Variants in NDST3 observed in about 807,000 individuals in gnomAD.
The protein encoded by NDST3 is N-deacetylase and N-sulfotransferase 3.
NDST3 carries 58 observed loss-of-function variants against 96.1 expected under a neutral mutation model. That is an observed-to-expected ratio of 0.60 (90% confidence interval 0.49 to 0.75). The LOEUF is 0.75. Among genes scored for constraint, NDST3 ranks in the 30% least tolerant of loss-of-function variants. The pLI is 0.00. For missense variants in NDST3, 788 were observed against 1,034.2 expected, an observed-to-expected ratio of 0.76 and a Z score of 3.27; for synonymous variants, 333 against 359.7, an observed-to-expected ratio of 0.93 and a Z score of 0.84.
chr4:118,118,189 G>T (rs988441986), intron 4 of NDST3, among the ~76,000 whole-genome samples: 3 of 152,114 alleles, frequency 2.0e-5, no homozygotes, highest in Non-Finnish European at 4.4e-5. Flanking sequence ...TTCTAAATTG[G>T]ATTATATCCT....
At chr4:118,248,159 TA>T (rs1416988658) in intron 12 of NDST3, among the ~76,000 whole-genome samples, 2 of 152,140 alleles carry the variant, frequency 1.3e-5, no homozygotes, top group Non-Finnish European at 2.9e-5. Flanking sequence ...GAGACCAGCC[TA>T]ACCAATATGG....
chr4:118,138,146 G>A lies in NDST3; in HGVS notation c.1317G>A (p.Lys439=), dbSNP rs1733275679. 1.9e-6 allele frequency: 3 copies of A among 1,614,052 alleles called. No individual in the cohort carries two copies. The highest frequency in any genetic ancestry group is 2.5e-6 in the Non-Finnish European group (3 of 1,179,966). The change falls in exon 5 of 14, where the codon AAG becomes AAA. Residue 439 remains lysine (K), a synonymous_variant. Coordinates refer to ENST00000296499, the MANE Select transcript of NDST3 (RefSeq NM_004784.3). ...ATGTTCAGCTTTATGAGGCCTGGAAGAAGGTCTGGAATATTAAAATCACCA... is the reference window on the plus strand; with the variant it reads ...ATGTTCAGCTTTATGAGGCCTGGAAAAAGGTCTGGAATATTAAAATCACCA... ...PVHVQLYEAW[K]KVWNIKITST... is the part of the protein sequence containing the mutation.
At chr4:118,041,899 T>C (rs1724493183) in intron 1 of NDST3, among the ~76,000 whole-genome samples, 1 of 152,114 alleles carries the variant, frequency 6.6e-6, no homozygotes, top group African/African-American at 2.4e-5. Context: ...AGACAGACAT[T>C]AGACAAATAA....
intron 6 of NDST3, among the ~76,000 whole-genome samples, chr4:118,185,363 G>A (rs547766073): frequency 1.2e-3 from 179 of 151,736 alleles, no homozygotes; most frequent in African/African-American, 4.1e-3. Flanking sequence ...GAAATCAAAT[G>A]CACTGGTGTA....
intron 6 of NDST3, among the ~76,000 whole-genome samples, chr4:118,149,187 G>A (rs777605207): frequency 3.2e-4 from 48 of 152,156 alleles, no homozygotes; most frequent in Non-Finnish European, 1.0e-4. Context: ...GTCAGGCAGC[G>A]TGGTTCCTCC....
Position 118,060,987 on chromosome 4 carries a change from T to G in NDST3, c.981+6096T>G, listed in dbSNP as rs150752584. Among the ~76,000 whole-genome samples, 111 of 152,270 alleles carry G rather than the reference T, an allele frequency of 7.3e-4. 3 individuals carry two copies. Among genetic ancestry groups the G allele is most frequent in the African/African-American group, 6.7e-4 (28 of 41,572 alleles). On this transcript the variant is annotated intron_variant, in intron 2 of 13. Coordinates refer to ENST00000296499, the MANE Select transcript of NDST3 (RefSeq NM_004784.3). ...TTTGCCAACTGTTCACCTTTTCTCATCCGATGTGATTCTCAGCTTCTACAC... is the reference window on the plus strand; with the variant it reads ...TTTGCCAACTGTTCACCTTTTCTCAGCCGATGTGATTCTCAGCTTCTACAC...
chr4:118,147,569 T>C (rs1034050610), intron 6 of NDST3, among the ~76,000 whole-genome samples: 3 of 152,204 alleles, frequency 2.0e-5, no homozygotes, highest in African/African-American at 7.2e-5. Context: ...AAAGGATTAA[T>C]TGGCAATGAC....
intron 6 of NDST3, among the ~76,000 whole-genome samples, chr4:118,210,982 T>C (rs1738754410): frequency 6.6e-6 from 1 of 152,094 alleles, no homozygotes; most frequent in Non-Finnish European, 1.5e-5. Flanking sequence ...CATCTCCATG[T>C]CCCAGATACT....
intron 13 of NDST3, among the ~76,000 whole-genome samples, chr4:118,255,235 G>T (rs938157192): frequency 6.6e-6 from 1 of 152,132 alleles, no homozygotes; most frequent in Admixed American, 6.5e-5. Flanking sequence ...TCTCAACAAG[G>T]TTACTGAGTA....
At position 118,239,739 on chromosome 4, in the gene NDST3, T is replaced by C. The variant is rs557342749; in HGVS notation, c.2119-785T>C. ...CCTTAACAAAGTCTAGTAGAGTTTGTAGTCCAGTGATTTGAATCTCAATTG... is the reference window on the plus strand; with the variant it reads ...CCTTAACAAAGTCTAGTAGAGTTTGCAGTCCAGTGATTTGAATCTCAATTG... On this transcript the variant is annotated intron_variant, in intron 10 of 13. Transcript: ENST00000296499. Among the ~76,000 whole-genome samples the C allele has an allele frequency of 1.9e-3, 283 of 152,292 alleles. 4 individuals carry two copies. The highest frequency in any genetic ancestry group is 6.4e-3 in the African/African-American group (266 of 41,562).
intron 2 of NDST3, among the ~76,000 whole-genome samples, chr4:118,073,229 G>A (rs1257878439): frequency 2.0e-5 from 3 of 152,014 alleles, no homozygotes; most frequent in Admixed American, 2.0e-4. Context: ...TCAGAATGAT[G>A]CTGATCTCAT....
At chr4:118,245,508 T>C (rs1741251694) in intron 12 of NDST3, among the ~76,000 whole-genome samples, 1 of 152,204 alleles carries the variant, frequency 6.6e-6, no homozygotes, top group Non-Finnish European at 1.5e-5. Flanking sequence ...CAATAGCTTT[T>C]AATATAACTT....
At chr4:118,081,314 T>C (rs1727990984) in intron 2 of NDST3, among the ~76,000 whole-genome samples, 1 of 152,214 alleles carries the variant, frequency 6.6e-6, no homozygotes, top group Non-Finnish European at 1.5e-5. Flanking sequence ...TGCAAGGTTT[T>C]TGCACTTATG....
chr4:118,164,509 A>C (rs1321083366), intron 6 of NDST3, among the ~76,000 whole-genome samples: 3 of 152,166 alleles, frequency 2.0e-5, no homozygotes, highest in African/African-American at 7.2e-5. Context: ...AGTTAGAAGA[A>C]ATAAAGACCT....
At chr4:118,064,409 G>A (rs1351360923) in intron 2 of NDST3, among the ~76,000 whole-genome samples, 1 of 151,980 alleles carries the variant, frequency 6.6e-6, no homozygotes, top group African/African-American at 2.4e-5. Context: ...GGAGACTGAA[G>A]TACAAAATGG....
At chr4:118,193,823 G>T in intron 6 of NDST3, 1 of 1,433,340 alleles carries the variant, frequency 7.0e-7, no homozygotes, top group Non-Finnish European at 9.6e-7. Flanking sequence ...GAGGTAAGAG[G>T]CCAGTTGAAG....
chr4:118,044,788 G>A (rs1169773096), intron 1 of NDST3, among the ~76,000 whole-genome samples: 1 of 152,152 alleles, frequency 6.6e-6, no homozygotes, highest in Non-Finnish European at 1.5e-5. Flanking sequence ...ATCTCATGGT[G>A]GAAGGTTGAA....
intron 4 of NDST3, among the ~76,000 whole-genome samples, chr4:118,124,864 T>C (rs1026745490): frequency 6.6e-6 from 1 of 152,106 alleles, no homozygotes; most frequent in Non-Finnish European, 1.5e-5. Flanking sequence ...CCAAAGACTT[T>C]TGTTACTTTT....
chr4:118,045,456 A>T (rs1724707447), intron 1 of NDST3, among the ~76,000 whole-genome samples: 1 of 152,210 alleles, frequency 6.6e-6, no homozygotes, highest in Non-Finnish European at 1.5e-5. Context: ...TTTAAATAGC[A>T]TGAGAGCTAC....
Sources: gnomAD v4.1 joint callset for allele counts (sites outside exome capture counted in the v4.1 genomes callset) on GRCh38, gnomAD v4.1.1 for gene constraint, MANE v1.5 for transcripts, NCBI Gene and HGNC (gene_info 2026-07-23, HGNC 2026-07-21) for gene names.